CADM2: variants seen among roughly 807,000 people sequenced by gnomAD.
CADM2 encodes cell adhesion molecule 2, also known as immunoglobulin superfamily member 4D.
In CADM2, 12 loss-of-function variants were observed where a neutral mutation model predicts 49.8. The ratio of observed to expected loss-of-function variants is 0.24; its 90% CI spans 0.15 to 0.39. The LOEUF is 0.39. Among genes scored for constraint, CADM2 ranks in the 10% least tolerant of loss-of-function variants. The pLI, the probability that CADM2 is intolerant of heterozygous loss-of-function variation, is 1.00. For synonymous variants in CADM2, 214 were observed against 175.4 expected (o/e 1.22, Z -1.74); for missense variants, 378 against 492.3 (o/e 0.77, Z 2.20).
chr3:85,843,000 A>G (rs1286522710), intron 3 of CADM2, among the ~76,000 whole-genome samples: 2 of 152,134 alleles, frequency 1.3e-5, no homozygotes, highest in Non-Finnish European at 2.9e-5. Context: ...ATAAATAAAT[A>G]ATTGTAATTA....
intron 1 of CADM2, among the ~76,000 whole-genome samples, chr3:85,093,421 G>A (rs1204342925): frequency 6.6e-6 from 1 of 151,116 alleles, no homozygotes; most frequent in Non-Finnish European, 1.5e-5. Flanking sequence ...TGAGGCAGGA[G>A]AATCAGAATC....
At chr3:85,478,005 C>T (rs1372349995) in intron 1 of CADM2, among the ~76,000 whole-genome samples, 2 of 151,824 alleles carry the variant, frequency 1.3e-5, no homozygotes, top group African/African-American at 2.4e-5. Context: ...TTTACTGAAC[C>T]TTAACATGAG....
intron 1 of CADM2, among the ~76,000 whole-genome samples, chr3:84,972,843 T>G (rs964379515): frequency 6.6e-6 from 1 of 152,212 alleles, no homozygotes; most frequent in Non-Finnish European, 1.5e-5. Context: ...TACAGTCTAG[T>G]GTTGGCCACA....
intron 1 of CADM2, among the ~76,000 whole-genome samples, chr3:84,985,949 T>TA (rs879352301): frequency 2.0e-5 from 3 of 152,222 alleles, no homozygotes; most frequent in Non-Finnish European, 2.9e-5. Context: ...CTGACCCCAT[T>TA]AGTGGGATAC....
intron 2 of CADM2, among the ~76,000 whole-genome samples, chr3:85,737,726 T>C (rs185904581): frequency 9.3e-4 from 141 of 151,796 alleles, no homozygotes; most frequent in African/African-American, 3.3e-3. Flanking sequence ...CCTGGCTAAG[T>C]TTTTTGTATT....
intron 8 of CADM2, among the ~76,000 whole-genome samples, chr3:86,017,026 C>T (rs1354663779): frequency 6.6e-6 from 1 of 151,786 alleles, no homozygotes; most frequent in African/African-American, 2.4e-5. Flanking sequence ...TAATCATTTT[C>T]TAACCACTGT....
intron 1 of CADM2, among the ~76,000 whole-genome samples, chr3:85,050,849 T>G (rs1345075924): frequency 6.6e-6 from 1 of 152,188 alleles, no homozygotes. Context: ...ATAATCGCTG[T>G]CTGAAAACAC....
At chr3:85,237,190 G>A (rs929565233) in intron 1 of CADM2, among the ~76,000 whole-genome samples, 4 of 152,074 alleles carry the variant, frequency 2.6e-5, no homozygotes, top group African/African-American at 9.6e-5. Context: ...ACTACTCAAT[G>A]AGACAGATAA....
chr3:85,316,215 TA>T (rs569637116), intron 1 of CADM2, among the ~76,000 whole-genome samples: 2 of 152,192 alleles, frequency 1.3e-5, no homozygotes, highest in Non-Finnish European at 2.9e-5. Context: ...GTCTATGCTT[TA>T]AAAATATACA....
chr3:85,392,430 T>C (rs1377813236), intron 1 of CADM2, among the ~76,000 whole-genome samples: 2 of 152,098 alleles, frequency 1.3e-5, no homozygotes, highest in African/African-American at 4.8e-5. Flanking sequence ...AAAATACCAA[T>C]ATCTTAGTTT....
At chr3:85,887,381 A>G (rs1713819899) in intron 5 of CADM2, among the ~76,000 whole-genome samples, 2 of 152,142 alleles carry the variant, frequency 1.3e-5, no homozygotes, top group African/African-American at 4.8e-5. Flanking sequence ...CCATGCTCAG[A>G]CATTCTGATT....
chr3:85,875,587 C>T (rs1430677757), intron 3 of CADM2, among the ~76,000 whole-genome samples: 1 of 152,138 alleles, frequency 6.6e-6, no homozygotes, highest in East Asian at 1.9e-4. Flanking sequence ...CTCACTGAAG[C>T]TTCAAATCCT....
intron 1 of CADM2, among the ~76,000 whole-genome samples, chr3:85,468,587 T>C (rs1026511851): frequency 1.0e-5 from 1 of 95,384 alleles, no homozygotes; most frequent in East Asian, 1.1e-3. Context: ...TTACTGATCT[T>C]TTTTTGACCA....
intron 3 of CADM2, among the ~76,000 whole-genome samples, chr3:85,833,278 T>TTTGTTGTTG (rs57879763): frequency 1.3e-5 from 2 of 150,940 alleles, no homozygotes; most frequent in Non-Finnish European, 3.0e-5. Context: ...TGCAGTTTTC[T>TTTGTTGTTG]TTGTTGTTGT....
chr3:85,176,258 C>G (rs958392482), intron 1 of CADM2, among the ~76,000 whole-genome samples: 3 of 152,118 alleles, frequency 2.0e-5, no homozygotes, highest in Admixed American at 2.0e-4. Flanking sequence ...ACATGCACTT[C>G]CAGCAGCCAT....
intron 6 of CADM2, among the ~76,000 whole-genome samples, chr3:85,921,486 T>C (rs924246453): frequency 5.9e-5 from 9 of 152,046 alleles, no homozygotes; most frequent in African/African-American, 2.2e-4. Context: ...TTTTTTTAAA[T>C]AATATACTTT....
intron 1 of CADM2, among the ~76,000 whole-genome samples, chr3:85,679,267 T>C (rs1250298907): frequency 6.6e-6 from 1 of 151,790 alleles, no homozygotes; most frequent in Non-Finnish European, 1.5e-5. Context: ...AATGAAAAAA[T>C]AGGAGTTCAC....
intron 1 of CADM2, among the ~76,000 whole-genome samples, chr3:85,491,947 C>CAA (rs11392788): frequency 0.2 from 26,288 of 134,414 alleles, 2,938 homozygotes; most frequent in East Asian, 0.44. Context: ...GAGACTGTCT[C>CAA]AAAAAAAAAA....
rs774263748 is a variant in CADM2, at chr3:85,319,566, G to A, written c.61+359898G>A. Among the ~76,000 whole-genome samples, 8 of 152,146 alleles carry A rather than the reference G, an allele frequency of 5.3e-5. No individual in the cohort carries two copies. The South Asian group carries it at 6.2e-4, about 12-fold the overall frequency. On this transcript the variant is annotated intron_variant, in intron 1 of 9. Coordinates refer to ENST00000383699, the MANE Select transcript of CADM2 (RefSeq NM_001167675.2). The stretch of plus-strand genomic sequence containing the variant: ...CCTAAATGCCCATCAATGGCAGATC[G>A]GATAAAGAAAATGTGGTACATATAA...
Sources: gnomAD v4.1 joint callset for allele counts (sites outside exome capture counted in the v4.1 genomes callset) on GRCh38, gnomAD v4.1.1 for gene constraint, MANE v1.5 for transcripts, NCBI Gene and HGNC (gene_info 2026-07-23, HGNC 2026-07-21) for gene names.